PGBD5: variants seen among roughly 807,000 people sequenced by gnomAD.
PGBD5 encodes piggyBac transposable element-derived protein 5.
Under a neutral mutation model 47.9 loss-of-function variants are expected in PGBD5, and 14 were observed. The observed-to-expected ratio is 0.29, with a 90% CI of 0.19 to 0.46. The LOEUF (loss-of-function observed/expected upper bound fraction) is 0.46, where lower values mean the gene tolerates loss of function less well. PGBD5 is among the 20% of genes least tolerant of loss of function. The pLI is 1.00. For synonymous variants in PGBD5, 316 were observed against 306.3 expected (o/e 1.03, Z -0.33); for missense variants, 635 against 716.0 (o/e 0.89, Z 1.29).
intron 1 of PGBD5, among the ~76,000 whole-genome samples, chr1:230,369,948 G>A (rs1241531992): frequency 1.3e-5 from 2 of 152,218 alleles, no homozygotes; most frequent in Admixed American, 6.5e-5. Flanking sequence ...CAGATATCAC[G>A]ATGATGGAAA....
chr1:230,400,960 A>T (rs1401766063), intron 1 of PGBD5, among the ~76,000 whole-genome samples: 1 of 152,170 alleles, frequency 6.6e-6, no homozygotes, highest in Non-Finnish European at 1.5e-5. Flanking sequence ...ATAACTACAA[A>T]CAGGTCAGAA....
intron 1 of PGBD5, among the ~76,000 whole-genome samples, chr1:230,405,644 T>G (rs1294904289): frequency 6.6e-6 from 1 of 152,186 alleles, no homozygotes; most frequent in Non-Finnish European, 1.5e-5. Context: ...ATCAGCTGTA[T>G]ATACCAGTAG....
At chr1:230,370,055 T>C (rs962157444) in intron 1 of PGBD5, among the ~76,000 whole-genome samples, 1 of 152,120 alleles carries the variant, frequency 6.6e-6, no homozygotes, top group African/African-American at 2.4e-5. Context: ...GAGAGTTACG[T>C]TGATGACAGA....
chr1:230,367,523 GATACCCCATCTCTA>G (rs1181908276), intron 1 of PGBD5, among the ~76,000 whole-genome samples: 1 of 152,094 alleles, frequency 6.6e-6, no homozygotes, highest in Non-Finnish European at 1.5e-5. Flanking sequence ...ACAAGATAGT[GATACCCCATCTCTA>G]CACACACACA....
At chr1:230,345,756 C>T (rs1352490730) in intron 3 of PGBD5, among the ~76,000 whole-genome samples, 1 of 152,218 alleles carries the variant, frequency 6.6e-6, no homozygotes, top group Admixed American at 6.5e-5. Flanking sequence ...GGGTAAACAA[C>T]CATGAAATAT....
intron 1 of PGBD5, among the ~76,000 whole-genome samples, chr1:230,396,218 TTCCTCCTTTTTACCCCCACAC>T (rs1558210716): frequency 4.6e-4 from 22 of 48,008 alleles, no homozygotes; most frequent in Admixed American, 5.2e-4. Context: ...TTTACTCACA[TTCCTCCTTTTTACCCCCACAC>T]TCCTCCCTTT....
rs754943753 is a variant in PGBD5 at position 230,316,218 on chromosome 1, GTA to G, written c.*7205_*7206del. 2.0e-5 allele frequency: 3 copies of G among 152,586 alleles called. No homozygotes were observed. The highest frequency in any genetic ancestry group is 2.9e-5 in the Non-Finnish European group (2 of 67,924). The allele number at this position is 152,586 out of a possible 1,614,324, so 9.5% of individuals were successfully genotyped here. On this transcript the variant is annotated 3_prime_UTR_variant, in exon 7 of 7. Transcript: ENST00000391860. Reference sequence around the variant, plus strand: ...TGTATACATACATATGTACACATGTGTATATGTGTATACGTACATATGTGTAT... The same window carrying G: ...TGTATACATACATATGTACACATGTGTATGTGTATACGTACATATGTGTAT...
At chr1:230,378,168 C>T (rs866750560) in intron 1 of PGBD5, among the ~76,000 whole-genome samples, 1 of 152,338 alleles carries the variant, frequency 6.6e-6, no homozygotes, top group South Asian at 2.1e-4. Context: ...GGATTTTAAG[C>T]TACCACATGG....
intron 1 of PGBD5, among the ~76,000 whole-genome samples, chr1:230,378,935 G>A (rs78794775): frequency 0.021 from 3,239 of 152,224 alleles, 110 homozygotes; most frequent in African/African-American, 0.073. Context: ...TATGTACAAG[G>A]TGAAAGGAGC....
At chr1:230,335,770 G>C (rs947475561) in intron 4 of PGBD5, among the ~76,000 whole-genome samples, 34 of 358 alleles carry the variant, frequency 0.095, 1 homozygote, top group Non-Finnish European at 0.12. Flanking sequence ...CACAGATACA[G>C]ACAGACACAC....
At chr1:230,424,249 C>T (rs1657721417) in intron 1 of PGBD5, among the ~76,000 whole-genome samples, 1 of 152,204 alleles carries the variant, frequency 6.6e-6, no homozygotes, top group Non-Finnish European at 1.5e-5. Flanking sequence ...GCCAGGAGAC[C>T]TTAATGACAT....
chr1:230,341,180 A>T (rs887464114), intron 3 of PGBD5, among the ~76,000 whole-genome samples: 3 of 152,192 alleles, frequency 2.0e-5, no homozygotes, highest in Admixed American at 6.5e-5. Flanking sequence ...TCATTTAAAT[A>T]AATACAAAAA....
At chr1:230,327,923 T>C (rs1025254594) in intron 5 of PGBD5, among the ~76,000 whole-genome samples, 2 of 152,252 alleles carry the variant, frequency 1.3e-5, no homozygotes, top group African/African-American at 4.8e-5. Flanking sequence ...TTGATTTGCC[T>C]GACCTCCAAT....
At chr1:230,392,461 C>T (rs1656808380) in intron 1 of PGBD5, among the ~76,000 whole-genome samples, 1 of 152,206 alleles carries the variant, frequency 6.6e-6, no homozygotes, top group Admixed American at 6.5e-5. Flanking sequence ...CAGTTCATTC[C>T]AGGCAGATCT....
chr1:230,392,129 T>G (rs760124058), intron 1 of PGBD5, among the ~76,000 whole-genome samples: 6 of 152,224 alleles, frequency 3.9e-5, no homozygotes, highest in Non-Finnish European at 8.8e-5. Flanking sequence ...TAAGAGTGCC[T>G]TGGTCATGTG....
In PGBD5 at chr1:230,425,493, A is replaced by C. The variant is rs951858592; in HGVS notation, c.331+105T>G. ...CATTTGTTTCCGGAGAGACACCCAC[A>C]AGCCAGCCCACGGAGAGTCTGGACT... On this transcript the variant is annotated intron_variant, in intron 1 of 6. Coordinates refer to ENST00000391860, the MANE Select transcript of PGBD5 (RefSeq NM_001258311.2). This position sits in a 1 kb window ranked among gnomAD's most constrained non-coding sequence, Gnocchi z 4.7. 2.5e-5 allele frequency: 22 copies of C among 881,808 alleles called. No individual in the cohort carries two copies. In the African/African-American group the frequency reaches 3.7e-4, roughly 15 times the overall value. The allele number at this position is 881,808 out of a possible 1,614,324, so 54.6% of individuals were successfully genotyped here.
intron 1 of PGBD5, among the ~76,000 whole-genome samples, chr1:230,412,234 G>C (rs942830856): frequency 1.3e-5 from 2 of 152,100 alleles, no homozygotes; most frequent in African/African-American, 4.8e-5. Context: ...GGGGTTAAGG[G>C]GTTGACCCCA....
At chr1:230,394,541 C>G (rs1339832791) in intron 1 of PGBD5, among the ~76,000 whole-genome samples, 1 of 147,874 alleles carries the variant, frequency 6.8e-6, no homozygotes, top group African/African-American at 2.5e-5. Context: ...CCCTCCTCTC[C>G]TAACCCCAAG....
intron 5 of PGBD5, among the ~76,000 whole-genome samples, chr1:230,332,044 A>ACCACAC (rs1667228345): frequency 7.2e-6 from 1 of 139,626 alleles, no homozygotes; most frequent in African/African-American, 2.8e-5. Flanking sequence ...CACCACACAC[A>ACCACAC]GCACACACAA....
Sources: gnomAD v4.1 joint callset for allele counts (sites outside exome capture counted in the v4.1 genomes callset) on GRCh38, gnomAD v4.1.1 for gene constraint, Gnocchi (gnomAD v3.1) non-coding constraint, MANE v1.5 for transcripts, NCBI Gene and HGNC (gene_info 2026-07-23, HGNC 2026-07-21) for gene names.